The following GPC6 variants were observed in gnomAD, a reference collection of about 807,000 sequenced individuals.
GPC6 encodes glypican-6.
A neutral mutation model predicts 55.2 loss-of-function variants in GPC6; 14 were observed. The ratio of observed to expected loss-of-function variants is 0.25; its 90% CI spans 0.17 to 0.40. GPC6 has a LOEUF of 0.40. Among genes scored for constraint, GPC6 ranks in the 10% least tolerant of loss-of-function variants. The probability of loss-of-function intolerance (pLI) is 1.00; values close to 1 mark genes in which losing one functional copy is unlikely to be tolerated. For missense variants in GPC6, 641 were observed against 708.5 expected, an observed-to-expected ratio of 0.90 and a Z score of 1.08; for synonymous variants, 278 against 259.6, an observed-to-expected ratio of 1.07 and a Z score of -0.68.
chr13:93,395,327 GT>G, intron 1 of GPC6: 6 of 474,028 alleles, frequency 1.3e-5, no homozygotes, highest in Admixed American at 2.3e-5. Context: ...CTTTGACAGG[GT>G]TTTCCCAACT....
At chr13:93,787,766 C>G (rs1164032283) in intron 2 of GPC6, among the ~76,000 whole-genome samples, 1 of 152,214 alleles carries the variant, frequency 6.6e-6, no homozygotes, top group East Asian at 1.9e-4. Context: ...TATCAAACAC[C>G]AGATCTTATT....
At chr13:94,187,672 A>G (rs555148291) in intron 4 of GPC6, among the ~76,000 whole-genome samples, 62 of 152,324 alleles carry the variant, frequency 4.1e-4, no homozygotes, top group Middle Eastern at 3.4e-3. Context: ...CTGGAGTTAC[A>G]ACAGTGAACA....
chr13:93,958,659 G>T (rs898001331), intron 3 of GPC6, among the ~76,000 whole-genome samples: 12 of 151,870 alleles, frequency 7.9e-5, no homozygotes, highest in Admixed American at 3.3e-4. Flanking sequence ...TTTTGCTTGG[G>T]GTTGCTTTGG....
chr13:94,313,313 C>G (rs1004328210), intron 6 of GPC6, among the ~76,000 whole-genome samples: 2 of 152,134 alleles, frequency 1.3e-5, no homozygotes, highest in Non-Finnish European at 2.9e-5. Context: ...GAAGGATGCA[C>G]GAATCTAATT....
chr13:93,932,703 G>A (rs963554008), intron 3 of GPC6, among the ~76,000 whole-genome samples: 4 of 152,072 alleles, frequency 2.6e-5, no homozygotes, highest in Non-Finnish European at 5.9e-5. Flanking sequence ...TCCTGGCTCT[G>A]GGACCGTGAG....
intron 1 of GPC6, among the ~76,000 whole-genome samples, chr13:93,523,562 T>C (rs1482176757): frequency 7.2e-6 from 1 of 139,010 alleles, no homozygotes; most frequent in Non-Finnish European, 1.6e-5. Context: ...AGTTACGCAC[T>C]TCCTCATTTG....
chr13:94,178,175 T>C (rs2138942053), intron 4 of GPC6, among the ~76,000 whole-genome samples: 1 of 152,204 alleles, frequency 6.6e-6, no homozygotes, highest in Admixed American at 6.5e-5. Flanking sequence ...AATTTTTGTA[T>C]TTTTGTAGAA....
chr13:93,543,650 G>T (rs1025776467), intron 1 of GPC6, among the ~76,000 whole-genome samples: 1 of 152,086 alleles, frequency 6.6e-6, no homozygotes, highest in Non-Finnish European at 1.5e-5. Flanking sequence ...AATCCATCGG[G>T]ATATCATCCT....
At chr13:94,136,805 T>G (rs1245846938) in intron 4 of GPC6, among the ~76,000 whole-genome samples, 1 of 152,190 alleles carries the variant, frequency 6.6e-6, no homozygotes, top group Non-Finnish European at 1.5e-5. Flanking sequence ...TGAGATTGTG[T>G]TTCAGAATGA....
chr13:94,104,634 C>G (rs1382710468), intron 4 of GPC6, among the ~76,000 whole-genome samples: 2 of 152,118 alleles, frequency 1.3e-5, no homozygotes, highest in Admixed American at 1.3e-4. Context: ...GATACAAAAT[C>G]AATGTAGAAA....
chr13:94,096,549 A>G (rs1016296135), intron 4 of GPC6, among the ~76,000 whole-genome samples: 1 of 152,126 alleles, frequency 6.6e-6, no homozygotes, highest in Non-Finnish European at 1.5e-5. Context: ...ATTGTTGCCT[A>G]CATTTTTTAG....
intron 4 of GPC6, among the ~76,000 whole-genome samples, chr13:94,129,611 C>A (rs1169673051): frequency 5.3e-5 from 8 of 152,128 alleles, no homozygotes; most frequent in Admixed American, 5.2e-4. Context: ...ATCCCATAAG[C>A]CCTAGCAGAG....
At chr13:93,285,481 C>G (rs747927385) in intron 1 of GPC6, among the ~76,000 whole-genome samples, 1 of 152,104 alleles carries the variant, frequency 6.6e-6, no homozygotes, top group Non-Finnish European at 1.5e-5. Context: ...GTCAATTAGA[C>G]TACAAATCAT....
intron 1 of GPC6, among the ~76,000 whole-genome samples, chr13:93,348,133 C>T (rs1566310810): frequency 1.3e-5 from 2 of 152,004 alleles, no homozygotes; most frequent in African/African-American, 4.8e-5. Flanking sequence ...AAAAAAGGAC[C>T]TTGTATTTTG....
intron 2 of GPC6, among the ~76,000 whole-genome samples, chr13:93,597,286 C>T (rs1877802524): frequency 1.3e-5 from 2 of 152,168 alleles, no homozygotes; most frequent in South Asian, 4.1e-4. Context: ...CATCACAGAG[C>T]ATCATTATAG....
At chr13:94,306,206 A>G (rs2139111876) in intron 6 of GPC6, 83 bp downstream of exon 6, 1 of 1,484,082 alleles carries the variant, frequency 6.7e-7, no homozygotes, top group South Asian at 1.1e-5. Flanking sequence ...GATTCTGGAA[A>G]AGTTTGTTAT....
intron 3 of GPC6, among the ~76,000 whole-genome samples, chr13:93,980,742 A>T (rs1282539330): frequency 1.3e-5 from 2 of 152,114 alleles, no homozygotes; most frequent in African/African-American, 2.4e-5. Context: ...GTGTGTTTGG[A>T]TATGGGGGTA....
intron 1 of GPC6, among the ~76,000 whole-genome samples, chr13:93,527,055 T>A (rs561243170): frequency 2.6e-4 from 39 of 152,040 alleles, no homozygotes; most frequent in East Asian, 7.7e-4. Flanking sequence ...GTTTTTTTTT[T>A]AAAAAGCTTT....
At chr13:93,901,735 T>C (rs1424610982) in intron 3 of GPC6, among the ~76,000 whole-genome samples, 1 of 151,898 alleles carries the variant, frequency 6.6e-6, no homozygotes, top group Non-Finnish European at 1.5e-5. Flanking sequence ...AACCCATCTC[T>C]ACTAAAAATA....
Sources: gnomAD v4.1 joint callset for allele counts (sites outside exome capture counted in the v4.1 genomes callset) on GRCh38, gnomAD v4.1.1 for gene constraint, MANE v1.5 for transcripts, NCBI Gene and HGNC (gene_info 2026-07-23, HGNC 2026-07-21) for gene names.